The following HELZ2 variants were observed in gnomAD, a reference collection of about 807,000 sequenced individuals.
The protein encoded by HELZ2 is helicase with zinc finger 2.
HELZ2 carries 143 observed loss-of-function variants against 208.8 expected under a neutral mutation model. The observed-to-expected ratio is 0.68, with a 90% CI of 0.60 to 0.79. The LOEUF is 0.79. Among genes scored for constraint, HELZ2 ranks in the 30% least tolerant of loss-of-function variants. The probability of loss-of-function intolerance (pLI) is 0.00; values close to 1 mark genes in which losing one functional copy is unlikely to be tolerated. For missense variants in HELZ2, 3,690 were observed against 3,794.5 expected, an observed-to-expected ratio of 0.97 and a Z score of 0.72; for synonymous variants, 1,705 against 1,693.7, an observed-to-expected ratio of 1.01 and a Z score of -0.16.
exon 8 of HELZ2, chr20:63,565,428 A>C: frequency 6.2e-7 from 1 of 1,610,880 alleles, no homozygotes; most frequent in Non-Finnish European, 8.5e-7. Flanking sequence ...ACGAAAGAGC[A>C]GTGGCGGTAC....
chr20:63,567,366 A>T, exon 6 of HELZ2: 1 of 1,601,704 alleles, frequency 6.2e-7, no homozygotes, highest in Non-Finnish European at 8.5e-7. Context: ...CATCGATGAG[A>T]ATGTGGGAGA....
intron 5 of HELZ2, chr20:63,568,096 T>C (rs2082981548): frequency 1.8e-6 from 1 of 568,530 alleles, no homozygotes; most frequent in Non-Finnish European, 3.1e-6. Context: ...CCAGAAGTCC[T>C]GGGTGGGCCA....
At chr20:63,559,029 G>T, downstream of HELZ2, 1 of 521,264 alleles carries the variant, frequency 1.9e-6, no homozygotes, top group Non-Finnish European at 3.4e-6. Flanking sequence ...GCCACCCTGA[G>T]AGGTGTTCCT....
chr20:63,560,997 C>G, intron 14 of HELZ2, 68 bp from the exon 16 acceptor site: 2 of 1,596,210 alleles, frequency 1.3e-6, no homozygotes, highest in South Asian at 2.2e-5. Context: ...CACACGACAC[C>G]CGCGTCTGCA....
In HELZ2 at chr20:63,560,621, G is replaced by A. The variant is rs114867526; in HGVS notation, c.7358C>T (p.Pro2453Leu). ...GCCAGCGTGGCCCAGGACACTGGGC[G>A]GCCTCCTCAGGCCCTGCCACGTCTT... The change falls in exon 16 of 19, where the codon CCG becomes CTG. Residue 2453 changes from proline to leucine, a missense_variant. Coordinates refer to ENST00000467148, the Ensembl canonical transcript of HELZ2. 1,464 of 1,610,734 alleles carry A rather than the reference G, an allele frequency of 9.1e-4. 14 individuals are homozygous for A. In the East Asian group the frequency reaches 0.014, roughly 16 times the overall value.
At chr20:63,565,855 C>T (rs377170664) in exon 8 of HELZ2, 19 of 1,598,250 alleles carry the variant, frequency 1.2e-5, no homozygotes, top group East Asian at 6.7e-5. Context: ...TCACCACAGC[C>T]GCCTGCTCCT....
rs753865422 is a variant in HELZ2, at chr20:63,570,523, G to C, written c.551C>G (p.Thr184Arg). 4.3e-6 allele frequency: 7 copies of C among 1,613,212 alleles called. No homozygotes were observed. In the South Asian group the frequency reaches 7.7e-5, roughly 18 times the overall value. Reference sequence around the variant, plus strand: ...GCTCACCTCAGAGTGGACGGCAAACGTCCAGCTGTACTGGGTCTTCCTCTC... The same window carrying C: ...GCTCACCTCAGAGTGGACGGCAAACCTCCAGCTGTACTGGGTCTTCCTCTC... Residue 184 changes from threonine (T) to arginine (R), a missense_variant, in exon 3 of 19, where the codon ACG becomes AGG. Physicochemically the swap from Thr to Arg is moderately conservative, Grantham distance 71. Transcript: ENST00000467148.
chr20:63,562,412 A>G, intron 8 of HELZ2, 30 bp from the exon 10 acceptor site: 1 of 1,558,510 alleles, frequency 6.4e-7, no homozygotes, highest in South Asian at 1.2e-5. Context: ...CTGGAAAACC[A>G]ACAGGACTCC....
At chr20:63,571,940 G>A in intron 1 of HELZ2, 168 bp downstream of exon 2, 1 of 594,146 alleles carries the variant, frequency 1.7e-6, no homozygotes, top group Non-Finnish European at 2.7e-6. Context: ...AAGCTCCTGG[G>A]AGCCTCTGGC....
chr20:63,571,160 G>A lies in HELZ2; in HGVS notation c.279-292C>T, dbSNP rs73622825. 1,316 of 309,782 alleles carry A rather than the reference G, an allele frequency of 4.2e-3. 33 individuals carry two copies. Among genetic ancestry groups the A allele is most frequent in the African/African-American group, 0.027 (1,120 of 42,256 alleles). The allele number at this position is 309,782 out of a possible 1,614,324, so 19.2% of individuals were successfully genotyped here. A position where few individuals can be genotyped will look rare whatever the true frequency, so the allele number is the denominator to read the frequency against. ...TCTGCCTACGGTGGGCTCCTGCCCCGCTCCAAGCTCCTGGGAACCTCTGGC... is the reference window on the plus strand; with the variant it reads ...TCTGCCTACGGTGGGCTCCTGCCCCACTCCAAGCTCCTGGGAACCTCTGGC... On this transcript the variant is annotated intron_variant, in intron 1 of 18. Transcript: ENST00000467148.
At chr20:63,558,691 A>C (rs1569025674), downstream of HELZ2, 1 of 152,292 alleles carries the variant, frequency 6.6e-6, no homozygotes, top group Non-Finnish European at 1.5e-5. Flanking sequence ...GGCGCCCGCC[A>C]CCACGCCCAG....
chr20:63,567,052 C>G, exon 6 of HELZ2: 1 of 1,612,046 alleles, frequency 6.2e-7, no homozygotes, highest in Non-Finnish European at 8.5e-7. Context: ...CGGAACCTTG[C>G]CCCTGGCGTG....
At chr20:63,563,452 G>T in exon 8 of HELZ2, 1 of 1,525,308 alleles carries the variant, frequency 6.6e-7, no homozygotes, top group Non-Finnish European at 8.8e-7. Flanking sequence ...GGAGCCGCAG[G>T]CCCGGCCGGC....
At chr20:63,562,170 T>C (rs1417152385) in exon 10 of HELZ2, 33 of 1,611,822 alleles carry the variant, frequency 2.0e-5, no homozygotes, top group Non-Finnish European at 2.8e-5. Flanking sequence ...GGGGATGTTG[T>C]AGGTCTGCCG....
rs1264520939 is a variant in HELZ2 at position 63,560,103 on chromosome 20, A to ATG, written c.7658-10_7658-9dup. ...CATAGCGCCACTCGCTCCCTGCGGG[A>ATG]TGGGAGGTGAGGCCCTGCTGCCGCT... On this transcript the variant is annotated splice_polypyrimidine_tract_variant and intron_variant, in intron 17 of 18. Transcript: ENST00000467148. 6.3e-7 allele frequency: 1 copy of ATG among 1,584,216 alleles called. No individual in the cohort carries two copies. Among genetic ancestry groups the ATG allele is most frequent in the Non-Finnish European group, 8.5e-7 (1 of 1,169,914 alleles).
At chr20:63,562,765 C>T (rs763667839) in exon 8 of HELZ2, 15 of 1,604,170 alleles carry the variant, frequency 9.4e-6, no homozygotes, top group African/African-American at 1.3e-5. Flanking sequence ...GTGGGCTGGC[C>T]GTGGGAGCCG....
upstream of HELZ2, chr20:63,572,726 G>A (rs923338904): frequency 1.6e-5 from 5 of 305,322 alleles, no homozygotes; most frequent in East Asian, 5.5e-5. Context: ...CTGCACCTCC[G>A]CCTTCAGCCA....
chr20:63,564,043 G>A, exon 8 of HELZ2: 2 of 1,605,280 alleles, frequency 1.2e-6, no homozygotes, highest in Non-Finnish European at 1.7e-6. Flanking sequence ...GCAGCCGCGT[G>A]TCGGGGGGAC....
At position 63,568,932 on chromosome 20, in the gene HELZ2, C is replaced by T. The variant is rs139878959; in HGVS notation, c.1156G>A (p.Ala386Thr). ...TCTGCGTACAGTGCTCCCGGAGGCGCGAAGAGCATGTTCAGCGCTGGCGTC... is the reference window on the plus strand; with the variant it reads ...TCTGCGTACAGTGCTCCCGGAGGCGTGAAGAGCATGTTCAGCGCTGGCGTC... Residue 386 changes from alanine to threonine, a missense_variant, in exon 5 of 19, where the codon GCG becomes ACG. Physicochemically the swap from Ala to Thr is moderately conservative, Grantham distance 58. Coordinates refer to ENST00000467148, the Ensembl canonical transcript of HELZ2. The T allele has an allele frequency of 9.5e-5, 152 of 1,608,418 alleles. 1 individual carries two copies. In the African/African-American group the frequency reaches 1.7e-3, roughly 18 times the overall value.
Sources: gnomAD v4.1 joint callset for allele counts on GRCh38, gnomAD v4.1.1 for gene constraint, MANE v1.5 for transcripts, NCBI Gene and HGNC (gene_info 2026-07-23, HGNC 2026-07-21) for gene names.